Variants in LEAP2 observed in about 807,000 individuals in gnomAD.
LEAP2 encodes liver enriched antimicrobial peptide 2, also known as liver-expressed antimicrobial peptide 2.
Under a neutral mutation model 9.3 loss-of-function variants are expected in LEAP2, and 13 were observed. The ratio of observed to expected loss-of-function variants is 1.39; its 90% CI spans 0.91 to 2.21. The LOEUF (loss-of-function observed/expected upper bound fraction) is 2.21. Among genes scored for constraint, LEAP2 ranks in the 30% most tolerant of loss-of-function variants. LEAP2 has a pLI of 0.00. For synonymous variants in LEAP2, 34 were observed against 34.9 expected, an observed-to-expected ratio of 0.98 and a Z score of 0.09; for missense variants, 98 against 94.0, an observed-to-expected ratio of 1.04 and a Z score of -0.17.
Position 132,874,406 on chromosome 5 carries a change from C to T in LEAP2, c.198-4C>T. 1 of 1,613,226 alleles carries T rather than the reference C, an allele frequency of 6.2e-7. No homozygotes were observed. Among genetic ancestry groups the T allele is most frequent in the Non-Finnish European group, 8.5e-7 (1 of 1,179,230 alleles). ...TTAAAAAACTACCCTTTCTTTTCCC[C>T]TAGAAAAAGACGCTGTTCCTTAAGT... is the stretch of plus-strand genomic sequence containing the variant. On this transcript the variant is annotated splice_region_variant and splice_polypyrimidine_tract_variant and intron_variant, in intron 2 of 2. Coordinates refer to ENST00000296877, the MANE Select transcript of LEAP2 (RefSeq NM_052971.3).
rs1307444469 is a variant in LEAP2 at position 132,874,536 on chromosome 5, A to C, written c.*90A>C. On this transcript the variant is annotated 3_prime_UTR_variant, in exon 3 of 3. Coordinates refer to ENST00000296877, the MANE Select transcript of LEAP2 (RefSeq NM_052971.3). ...GATTAACTGCATTTTGGCTGGAGAC[A>C]CCCAAGTGAAGCAATCTTGTATTTT... 2 of 1,125,596 alleles carry C rather than the reference A, an allele frequency of 1.8e-6. No homozygotes were observed. Among genetic ancestry groups the C allele is most frequent in the East Asian group, 2.4e-5 (1 of 42,490 alleles). The allele number at this position is 1,125,596 out of a possible 1,614,324, so 69.7% of individuals were successfully genotyped here.
Position 132,873,771 on chromosome 5 carries a change from TATGTG to T in LEAP2, c.57+21_57+25del, listed in dbSNP as rs774083398. On this transcript the variant is annotated intron_variant, in intron 1 of 2. Transcript: ENST00000296877. ...GGCCAGGTAAGGAGGGAAGGATACT[TATGTG>T]TGTGTGTGGAGTGTGGAGATGATAG... The T allele has an allele frequency of 1.4e-4, 230 of 1,607,946 alleles. 1 individual carries two copies. Among genetic ancestry groups the T allele is most frequent in the Non-Finnish European group, 1.9e-4 (223 of 1,174,642 alleles).
At chr5:132,873,926 A>G (rs1759777189) in intron 1 of LEAP2, 24 bp from the exon 2 acceptor site, 1 of 1,613,094 alleles carries the variant, frequency 6.2e-7, no homozygotes, top group Non-Finnish European at 8.5e-7. Context: ...ACACTTTCAT[A>G]TCTGAATGTC....
At position 132,873,945 on chromosome 5, in the gene LEAP2, T is replaced by G. The variant is rs1759777726; in HGVS notation, c.58-5T>G. ...TTTCATATCTGAATGTCTTTGCCCT[T>G]ACAGATAGATGGCTCCCCAATACCA... On this transcript the variant is annotated splice_region_variant and splice_polypyrimidine_tract_variant and intron_variant, in intron 1 of 2. Coordinates refer to ENST00000296877, the MANE Select transcript of LEAP2 (RefSeq NM_052971.3). 1.2e-6 allele frequency: 2 copies of G among 1,614,024 alleles called. No individual in the cohort carries two copies. Among genetic ancestry groups the G allele is most frequent in the Non-Finnish European group, 1.7e-6 (2 of 1,179,916 alleles).
intron 2 of LEAP2, 54 bp from the exon 3 acceptor site, chr5:132,874,356 G>A: frequency 7.0e-7 from 1 of 1,438,214 alleles, no homozygotes; most frequent in Non-Finnish European, 9.8e-7. Flanking sequence ...AGCATAGGTG[G>A]CCCTGGTCAT....
chr5:132,874,429 A>C lies in LEAP2; in HGVS notation c.217A>C (p.Ser73Arg). The change falls in exon 3 of 3, where the codon AGT becomes CGT. Residue 73 changes from serine (S) to arginine (R), a missense_variant. Coordinates refer to ENST00000296877, the MANE Select transcript of LEAP2 (RefSeq NM_052971.3). Reference protein sequence around the residue: ...RLCRKRRCSLSVAQE With the variant: ...RLCRKRRCSLRVAQE ...CCCTAGAAAAAGACGCTGTTCCTTA[A>C]GTGTGGCCCAGGAATGATGTACATA... The C allele has an allele frequency of 6.2e-7, 1 of 1,613,942 alleles. No individual in the cohort carries two copies. The highest frequency in any genetic ancestry group is 8.5e-7 in the Non-Finnish European group (1 of 1,179,828).
In LEAP2 at chr5:132,874,432, G is replaced by A. The variant is rs1215256004; in HGVS notation, c.220G>A (p.Val74Met). The change falls in exon 3 of 3, where the codon GTG (valine) becomes ATG (methionine). Residue 74 changes from valine (V) to methionine (M), a missense_variant. Val to Met is a conservative substitution (Grantham distance 21, BLOSUM62 1). Transcript: ENST00000296877. ...LCRKRRCSLSVAQE is the reference protein window; with the variant it reads ...LCRKRRCSLSMAQE Reference sequence around the variant, plus strand: ...TAGAAAAAGACGCTGTTCCTTAAGTGTGGCCCAGGAATGATGTACATACCA... The same window carrying A: ...TAGAAAAAGACGCTGTTCCTTAAGTATGGCCCAGGAATGATGTACATACCA... The A allele has an allele frequency of 1.2e-6, 2 of 1,613,926 alleles. No individual in the cohort carries two copies. The highest frequency in any genetic ancestry group is 2.2e-5 in the South Asian group (2 of 91,078).
rs1561472458 is a variant in LEAP2, at chr5:132,874,447, T to C, written c.*1T>C. On this transcript the variant is annotated 3_prime_UTR_variant, in exon 3 of 3. Transcript: ENST00000296877. ...TTCCTTAAGTGTGGCCCAGGAATGA[T>C]GTACATACCAGGGAAAGAAAGGACA... 1.9e-6 allele frequency: 3 copies of C among 1,613,162 alleles called. No individual in the cohort carries two copies. The highest frequency in any genetic ancestry group is 2.5e-6 in the Non-Finnish European group (3 of 1,179,148).
In LEAP2 at chr5:132,874,709, C is replaced by G; in HGVS notation, c.*263C>G. The G allele has an allele frequency of 1.8e-6, 1 of 565,040 alleles. No individual in the cohort carries two copies. The highest frequency in any genetic ancestry group is 3.2e-6 in the Non-Finnish European group (1 of 315,904). 35.0% of individuals were successfully genotyped at this position (565,040 alleles called of 1,614,324 possible). A position where few individuals can be genotyped will look rare whatever the true frequency, so the allele number is the denominator to read the frequency against. On this transcript the variant is annotated 3_prime_UTR_variant, in exon 3 of 3. Transcript: ENST00000296877. The stretch of plus-strand genomic sequence containing the variant: ...TGTCTCAAATTGAAATTTTAGCAGT[C>G]TGGAATTCAAGCTTTTGAGGGAAAG...
At chr5:132,874,127 GC>G in intron 2 of LEAP2, 38 bp downstream of exon 2, 1 of 1,592,798 alleles carries the variant, frequency 6.3e-7, no homozygotes, top group Non-Finnish European at 8.6e-7. Context: ...GGGCCAGAGA[GC>G]CCTGGGAAGC....
In LEAP2 at chr5:132,873,720, T is replaced by C. The variant is rs1759772327; in HGVS notation, c.26T>C (p.Val9Ala). 2 of 1,614,128 alleles carry C rather than the reference T, an allele frequency of 1.2e-6. No individual in the cohort carries two copies. The highest frequency in any genetic ancestry group is 3.3e-4 in the Middle Eastern group (2 of 6,062). The change falls in exon 1 of 3, where the codon GTC becomes GCC. Residue 9 changes from valine (V) to alanine (A), a missense_variant. Coordinates refer to ENST00000296877, the MANE Select transcript of LEAP2 (RefSeq NM_052971.3). MWHLKLCA[V>A]LMIFLLLLGQ... The stretch of plus-strand genomic sequence containing the variant: ...ATGTGGCACCTCAAACTTTGTGCAG[T>C]CCTCATGATCTTCCTGTTGCTGTTG...
At position 132,874,928 on chromosome 5, in the gene LEAP2, G is replaced by A. The variant is rs1759797880; in HGVS notation, c.*482G>A. On this transcript the variant is annotated 3_prime_UTR_variant, in exon 3 of 3. Coordinates refer to ENST00000296877, the MANE Select transcript of LEAP2 (RefSeq NM_052971.3). ...GTGTCAAAGGTGGTCAAGCTTGGGA[G>A]GCTGAGGCAGGAGAATCACTTGAAC... The A allele has an allele frequency of 4.7e-6, 1 of 210,798 alleles. No homozygotes were observed. Among genetic ancestry groups the A allele is most frequent in the South Asian group, 6.8e-5 (1 of 14,788 alleles). 13.1% of individuals were successfully genotyped at this position (210,798 alleles called of 1,614,324 possible). A position where few individuals can be genotyped will look rare whatever the true frequency, so the allele number is the denominator to read the frequency against.
Position 132,874,419 on chromosome 5 carries a change from C to G in LEAP2, c.207C>G (p.Arg69=), listed in dbSNP as rs1456971781. The G allele has an allele frequency of 6.2e-7, 1 of 1,613,766 alleles. No homozygotes were observed. The highest frequency in any genetic ancestry group is 8.5e-7 in the Non-Finnish European group (1 of 1,179,794). ...ECITRLCRKR[R]CSLSVAQE ...CTTTCTTTTCCCCTAGAAAAAGACG[C>G]TGTTCCTTAAGTGTGGCCCAGGAAT... The change falls in exon 3 of 3, where the codon CGC becomes CGG. Residue 69 remains arginine (R), a synonymous_variant. Transcript: ENST00000296877.
rs1759783776 is a variant in LEAP2, at chr5:132,874,170, C to T, written c.197+81C>T. On this transcript the variant is annotated intron_variant, in intron 2 of 2. Coordinates refer to ENST00000296877, the MANE Select transcript of LEAP2 (RefSeq NM_052971.3). ...GAGGAGTGACAAGGGGACACATGAACCTAAGAATAAAGCTGGGATGGAGGA... is the reference window on the plus strand; with the variant it reads ...GAGGAGTGACAAGGGGACACATGAATCTAAGAATAAAGCTGGGATGGAGGA... 4 of 1,440,032 alleles carry T rather than the reference C, an allele frequency of 2.8e-6. No homozygotes were observed. In the South Asian group the frequency reaches 3.8e-5, roughly 14 times the overall value. The allele number at this position is 1,440,032 out of a possible 1,614,324, so 89.2% of individuals were successfully genotyped here.
At position 132,874,781 on chromosome 5, in the gene LEAP2, A is replaced by C; in HGVS notation, c.*335A>C. ...AAGAAAAAAACAGCATTGCCCAATA[A>C]TGTGTTAACTTCTCAATCTGGAAAG... is the stretch of plus-strand genomic sequence containing the variant. On this transcript the variant is annotated 3_prime_UTR_variant, in exon 3 of 3. Coordinates refer to ENST00000296877, the MANE Select transcript of LEAP2 (RefSeq NM_052971.3). 1 of 419,660 alleles carries C rather than the reference A, an allele frequency of 2.4e-6. No individual in the cohort carries two copies. The highest frequency in any genetic ancestry group is 2.0e-5 in the African/African-American group (1 of 49,414). The allele number at this position is 419,660 out of a possible 1,614,324, so 26.0% of individuals were successfully genotyped here.
intron 1 of LEAP2, 60 bp from the exon 2 acceptor site, chr5:132,873,890 C>T: frequency 6.2e-7 from 1 of 1,604,506 alleles, no homozygotes; most frequent in Non-Finnish European, 8.5e-7. Context: ...AATGATCACT[C>T]TTCCAAGGTG....
chr5:132,874,317 G>T, intron 2 of LEAP2, 93 bp from the exon 3 acceptor site: 2 of 1,176,408 alleles, frequency 1.7e-6, no homozygotes. Flanking sequence ...CCTGAGACTG[G>T]ACAGATCAAG....
In LEAP2 at chr5:132,873,775, T is replaced by G. The variant is rs1378083574; in HGVS notation, c.57+24T>G. 2.5e-6 allele frequency: 4 copies of G among 1,605,818 alleles called. No homozygotes were observed. The African/African-American group carries it at 5.4e-5, about 22-fold the overall frequency. On this transcript the variant is annotated intron_variant, in intron 1 of 2. Coordinates refer to ENST00000296877, the MANE Select transcript of LEAP2 (RefSeq NM_052971.3). ...AGGTAAGGAGGGAAGGATACTTATG[T>G]GTGTGTGTGGAGTGTGGAGATGATA...
In LEAP2 at chr5:132,874,726, G is replaced by A. The variant is rs1425189912; in HGVS notation, c.*280G>A. On this transcript the variant is annotated 3_prime_UTR_variant, in exon 3 of 3. Transcript: ENST00000296877. ...TTAGCAGTCTGGAATTCAAGCTTTT[G>A]AGGGAAAGAAGGATTCATTTTGTAT... is the stretch of plus-strand genomic sequence containing the variant. The A allele has an allele frequency of 1.8e-6, 1 of 548,614 alleles. No homozygotes were observed. Among genetic ancestry groups the A allele is most frequent in the Non-Finnish European group, 3.3e-6 (1 of 306,266 alleles). 34.0% of individuals were successfully genotyped at this position (548,614 alleles called of 1,614,324 possible).
Sources: gnomAD v4.1 joint callset for allele counts on GRCh38, gnomAD v4.1.1 for gene constraint, MANE v1.5 for transcripts, NCBI Gene and HGNC (gene_info 2026-07-23, HGNC 2026-07-21) for gene names.